KYAT3: variants seen among roughly 807,000 people sequenced by gnomAD.
KYAT3 encodes kynurenine--oxoglutarate transaminase 3.
KYAT3 carries 50 observed loss-of-function variants against 59.0 expected under a neutral mutation model. That is an observed-to-expected ratio of 0.85 (90% CI 0.68 to 1.07). The LOEUF (loss-of-function observed/expected upper bound fraction) is 1.07. KYAT3 is among the 50% of genes least tolerant of loss of function. The pLI, the probability that KYAT3 is intolerant of heterozygous loss-of-function variation, is 0.00. For synonymous variants in KYAT3, 148 were observed against 177.0 expected (o/e 0.84, Z 1.30); for missense variants, 497 against 533.3 (o/e 0.93, Z 0.67).
intron 2 of KYAT3, among the ~76,000 whole-genome samples, chr1:88,976,793 C>G (rs934744046): frequency 6.6e-6 from 1 of 151,644 alleles, no homozygotes; most frequent in Admixed American, 6.6e-5. Flanking sequence ...TAGGTCTAGG[C>G]TAACGTATGT....
chr1:88,949,195 A>G lies in KYAT3; in HGVS notation c.1037T>C (p.Leu346Ser). 2 of 1,610,836 alleles carry G rather than the reference A, an allele frequency of 1.2e-6. No homozygotes were observed. Among genetic ancestry groups the G allele is most frequent in the Non-Finnish European group, 1.7e-6 (2 of 1,178,866 alleles). The change falls in exon 11 of 14, where the codon TTA becomes TCA. Residue 346 changes from leucine (L) to serine (S), a missense_variant. Transcript: ENST00000260508. ...ECYFNSLPKELEVKRDRMVRL... is the reference protein window; with the variant it reads ...ECYFNSLPKESEVKRDRMVRL... ...TACCATCCGATCTCTTTTTACTTCT[A>G]ACTCTTTTGGCAAAGAATTAAAGTA... is the stretch of plus-strand genomic sequence containing the variant.
intron 11 of KYAT3, among the ~76,000 whole-genome samples, chr1:88,946,043 T>A (rs754445801): frequency 2.0e-5 from 3 of 152,172 alleles, no homozygotes; most frequent in Non-Finnish European, 2.9e-5. Flanking sequence ...GGAAACTAAT[T>A]AGGAGCTTAA....
intron 1 of KYAT3, among the ~76,000 whole-genome samples, chr1:88,988,737 A>G (rs750967706): frequency 5.3e-5 from 8 of 152,094 alleles, no homozygotes; most frequent in Non-Finnish European, 1.2e-4. Flanking sequence ...AATCCTCTGG[A>G]TAACAGTCAC....
chr1:88,968,680 G>GTA lies in KYAT3; in HGVS notation c.291_292dup (p.Thr98IlefsTer11), dbSNP rs777277971. The GTA allele has an allele frequency of 2.3e-5, 37 of 1,581,074 alleles. No individual in the cohort carries two copies. The highest frequency in any genetic ancestry group is 3.1e-5 in the Non-Finnish European group (36 of 1,170,822). ...TCTTGATATACTTACAAAGCCTCGT[G>GTA]TATACTGATTCAGGCTATCGATTGC... On this transcript the variant is annotated frameshift_variant, in exon 4 of 14. Coordinates refer to ENST00000260508, the MANE Select transcript of KYAT3 (RefSeq NM_001008661.3). LOFTEE classifies it high-confidence loss of function.
At chr1:88,945,157 G>T (rs1346030127) in intron 11 of KYAT3, among the ~76,000 whole-genome samples, 6 of 152,030 alleles carry the variant, frequency 3.9e-5, no homozygotes, top group African/African-American at 1.4e-4. Flanking sequence ...AAAAAGTAAC[G>T]TAATACCATG....
intron 11 of KYAT3, among the ~76,000 whole-genome samples, chr1:88,947,078 A>T (rs1201234298): frequency 6.6e-6 from 1 of 152,142 alleles, no homozygotes; most frequent in Non-Finnish European, 1.5e-5. Context: ...TGCCTGAGAC[A>T]ACCACCTCCT....
intron 3 of KYAT3, among the ~76,000 whole-genome samples, chr1:88,969,059 C>CAT (rs1402431812): frequency 2.6e-5 from 4 of 152,128 alleles, no homozygotes; most frequent in African/African-American, 7.2e-5. Context: ...ATTTTAACCA[C>CAT]ATATATATAT....
At chr1:88,923,806 T>C in the KYAT3 span, 1 of 243,520 alleles carries the variant, frequency 4.1e-6, no homozygotes, top group Non-Finnish European at 8.2e-6. Context: ...GCCAAAAGTA[T>C]GCCCTCTATA....
chr1:88,961,900 T>C (rs1453434178), intron 6 of KYAT3, among the ~76,000 whole-genome samples, 159 bp downstream of exon 6: 1 of 152,232 alleles, frequency 6.6e-6, no homozygotes, highest in Non-Finnish European at 1.5e-5. Context: ...GTATTACTTA[T>C]GTTAAAAATA....
intron 13 of KYAT3, among the ~76,000 whole-genome samples, chr1:88,939,331 G>T (rs4601560): frequency 0.038 from 5,795 of 152,062 alleles, 318 homozygotes; most frequent in African/African-American, 0.12. Context: ...GTCATTCTTT[G>T]ATTTTTAGTC....
At chr1:88,959,626 T>A (rs1277246629) in intron 8 of KYAT3, among the ~76,000 whole-genome samples, 1 of 151,978 alleles carries the variant, frequency 6.6e-6, no homozygotes, top group Non-Finnish European at 1.5e-5. Context: ...TTCTTCTTTG[T>A]TTTTAAAATT....
chr1:88,967,653 T>A (rs1345165861), intron 4 of KYAT3, among the ~76,000 whole-genome samples: 1 of 152,154 alleles, frequency 6.6e-6, no homozygotes, highest in Non-Finnish European at 1.5e-5. Flanking sequence ...ATCTGTTCAT[T>A]TCATCCAAGT....
At chr1:88,934,057 A>G (rs1674965314), downstream of KYAT3, among the ~76,000 whole-genome samples, 1 of 152,176 alleles carries the variant, frequency 6.6e-6, no homozygotes, top group African/African-American at 2.4e-5. Context: ...TTTTTTCATT[A>G]TATTTTTCAC....
intron 11 of KYAT3, among the ~76,000 whole-genome samples, chr1:88,944,034 C>T (rs1675343160): frequency 6.6e-6 from 1 of 152,134 alleles, no homozygotes; most frequent in African/African-American, 2.4e-5. Flanking sequence ...ATATATTATA[C>T]CTTTTTTTAA....
chr1:88,948,365 T>C (rs1258759133), intron 11 of KYAT3, among the ~76,000 whole-genome samples: 2 of 152,202 alleles, frequency 1.3e-5, no homozygotes, highest in Non-Finnish European at 2.9e-5. Flanking sequence ...GGCTTCAAGG[T>C]TTACTATTAC....
chr1:88,962,084 G>A lies in KYAT3; in HGVS notation c.515C>T (p.Thr172Ile), dbSNP rs745476334. The A allele has an allele frequency of 6.2e-7, 1 of 1,613,868 alleles. No homozygotes were observed. The highest frequency in any genetic ancestry group is 8.5e-7 in the Non-Finnish European group (1 of 1,179,802). ...YEPMVRMAGA[T>I]PVFIPLRSKP... is the part of the protein sequence containing the mutation. ...AGATCTCAGGGGAATAAAAACAGGTGTTGCTCCAGCCATTCTCACCATGGG... is the reference window on the plus strand; with the variant it reads ...AGATCTCAGGGGAATAAAAACAGGTATTGCTCCAGCCATTCTCACCATGGG... The change falls in exon 6 of 14, where the codon ACA (threonine) becomes ATA (isoleucine). Residue 172 changes from threonine (T) to isoleucine (I), a missense_variant. By Grantham distance (89) the Thr-to-Ile change is moderately conservative (BLOSUM62 -1). Transcript: ENST00000260508.
At chr1:88,969,386 AT>A in intron 3 of KYAT3, 22 bp downstream of exon 3, 1 of 1,431,894 alleles carries the variant, frequency 7.0e-7, no homozygotes, top group Non-Finnish European at 9.8e-7. Context: ...TCACTAAATT[AT>A]TATTTATTTT....
Position 88,964,836 on chromosome 1 carries a change from C to G in KYAT3, c.446G>C (p.Gly149Ala). 1 of 1,591,028 alleles carries G rather than the reference C, an allele frequency of 6.3e-7. No individual in the cohort carries two copies. The highest frequency in any genetic ancestry group is 1.7e-4 in the Middle Eastern group (1 of 5,994). ...TAATGTTAATATACTTACTTCATCT[C>G]CCTCATCAATTAATGCTTGAATGGT... Reference protein sequence around the residue: ...FNTIQALIDEGDEVILIVPFY... With the variant: ...FNTIQALIDEADEVILIVPFY... The change falls in exon 5 of 14, where the codon GGA (glycine) becomes GCA (alanine). Residue 149 changes from glycine (G) to alanine (A), a missense_variant. Physicochemically the swap from Gly to Ala is moderately conservative, Grantham distance 60. Transcript: ENST00000260508.
Position 88,936,125 on chromosome 1 carries a change from C to T in KYAT3, c.*58G>A. On this transcript the variant is annotated 3_prime_UTR_variant, in exon 14 of 14. Transcript: ENST00000260508. ...TTTTAACATCCAGCAGGTGGCAGCA[C>T]TAAGTAACAATTCCATACTAGGTCA... The T allele has an allele frequency of 8.8e-7, 1 of 1,132,798 alleles. No individual in the cohort carries two copies. The highest frequency in any genetic ancestry group is 1.3e-6 in the Non-Finnish European group (1 of 765,926). 70.2% of individuals were successfully genotyped at this position (1,132,798 alleles called of 1,614,324 possible).
Sources: allele counts gnomAD v4.1 joint callset (sites outside exome capture counted in the v4.1 genomes callset), GRCh38; gene constraint gnomAD v4.1.1; transcripts MANE v1.5; gene names NCBI Gene and HGNC (gene_info 2026-07-23, HGNC 2026-07-21).